BMP5: variants seen among roughly 807,000 people sequenced by gnomAD.
The protein encoded by BMP5 is bone morphogenetic protein 5.
Under a neutral mutation model 46.6 loss-of-function variants are expected in BMP5, and 23 were observed. The ratio of observed to expected loss-of-function variants is 0.49; its 90% confidence interval spans 0.35 to 0.70. The LOEUF is 0.70. BMP5 is among the 30% of genes least tolerant of loss of function. BMP5 has a pLI of 0.00. For synonymous variants in BMP5, 204 were observed against 191.9 expected (o/e 1.06, Z -0.52); for missense variants, 545 against 565.6 (o/e 0.96, Z 0.37).
intron 3 of BMP5, among the ~76,000 whole-genome samples, chr6:55,780,679 G>A (rs1230235339): frequency 1.3e-5 from 2 of 151,988 alleles, no homozygotes; most frequent in African/African-American, 2.4e-5. Flanking sequence ...AAGTGACGGG[G>A]CTTAGAAAAG....
chr6:55,779,828 G>A lies in BMP5; in HGVS notation c.833-5585C>T, dbSNP rs1021727081. ...GAAGTATCACAAACAGAAATTTAGC[G>A]TTCCTCCTTATTACTTTCTTGTTTT... On this transcript the variant is annotated intron_variant, in intron 3 of 6. Coordinates refer to ENST00000370830, the MANE Select transcript of BMP5 (RefSeq NM_021073.4). Among the ~76,000 whole-genome samples the A allele has an allele frequency of 2.0e-5, 3 of 151,878 alleles. 1 individual carries two copies. Among genetic ancestry groups the A allele is most frequent in the Non-Finnish European group, 1.5e-5 (1 of 67,946 alleles).
chr6:55,796,509 T>A (rs1007537328), intron 2 of BMP5, among the ~76,000 whole-genome samples: 4 of 151,874 alleles, frequency 2.6e-5, no homozygotes, highest in Admixed American at 6.5e-5. Context: ...TCTTTTTTTT[T>A]ATTATTATAC....
At chr6:55,796,034 T>C (rs1775703479) in intron 2 of BMP5, among the ~76,000 whole-genome samples, 1 of 152,188 alleles carries the variant, frequency 6.6e-6, no homozygotes, top group Admixed American at 6.5e-5. Flanking sequence ...ATAAGAATTG[T>C]CTTAAAGTTT....
intron 3 of BMP5, among the ~76,000 whole-genome samples, chr6:55,787,850 T>A (rs1160616099): frequency 1.3e-5 from 2 of 151,664 alleles, no homozygotes; most frequent in Non-Finnish European, 3.0e-5. Context: ...TTAGAAAATC[T>A]CTGATTTTCT....
In BMP5 at chr6:55,774,195, G is replaced by A; in HGVS notation, c.881C>T (p.Pro294Leu). 2 of 1,613,086 alleles carry A rather than the reference G, an allele frequency of 1.2e-6. No homozygotes were observed. Among genetic ancestry groups the A allele is most frequent in the South Asian group, 1.1e-5 (1 of 91,072 alleles). Residue 294 changes from proline to leucine, a missense_variant, in exon 4 of 7, where the codon CCT becomes CTT. Pro to Leu is a moderately conservative substitution (Grantham distance 98). Transcript: ENST00000370830. ...CACCATGAATGGTTGTTTTGACTGA[G>A]GTCCCTGTCTTCCCACAAGACCAGC... ...KSAGLVGRQG[P>L]QSKQPFMVAF...
chr6:55,817,077 A>T (rs1041036102), intron 2 of BMP5, among the ~76,000 whole-genome samples: 1 of 152,136 alleles, frequency 6.6e-6, no homozygotes. Context: ...TTAGAATGGC[A>T]ATCATTAAAA....
intron 4 of BMP5, among the ~76,000 whole-genome samples, chr6:55,765,027 T>G (rs777618304): frequency 1.7e-4 from 26 of 152,160 alleles, no homozygotes; most frequent in African/African-American, 6.3e-4. Context: ...GATTTGATCA[T>G]TACACATTGT....
At chr6:55,768,099 G>A (rs1774959231) in intron 4 of BMP5, among the ~76,000 whole-genome samples, 2 of 151,806 alleles carry the variant, frequency 1.3e-5, no homozygotes, top group African/African-American at 4.8e-5. Context: ...CTAAAACAGT[G>A]TATTAATTAT....
chr6:55,777,012 T>G (rs1775190802), intron 3 of BMP5, among the ~76,000 whole-genome samples: 1 of 151,964 alleles, frequency 6.6e-6, no homozygotes, highest in South Asian at 2.1e-4. Flanking sequence ...GAACTCCCTT[T>G]AAAATAACTT....
chr6:55,834,417 T>C (rs1776738690), intron 1 of BMP5, among the ~76,000 whole-genome samples: 1 of 152,176 alleles, frequency 6.6e-6, no homozygotes, highest in South Asian at 2.1e-4. Context: ...TATTCATGTA[T>C]GTAACATGCC....
chr6:55,757,802 T>C (rs1009456783), intron 6 of BMP5, among the ~76,000 whole-genome samples: 1 of 152,002 alleles, frequency 6.6e-6, no homozygotes, highest in Non-Finnish European at 1.5e-5. Context: ...CCCAAGGTTA[T>C]TTCCAGTCTT....
chr6:55,793,774 T>A (rs1775631270), intron 3 of BMP5, among the ~76,000 whole-genome samples: 1 of 152,136 alleles, frequency 6.6e-6, no homozygotes, highest in Non-Finnish European at 1.5e-5. Context: ...TCCATCCCCA[T>A]CTCCTCTCTC....
chr6:55,783,616 G>A (rs1055587898), intron 3 of BMP5, among the ~76,000 whole-genome samples: 1 of 151,946 alleles, frequency 6.6e-6, no homozygotes, highest in Non-Finnish European at 1.5e-5. Flanking sequence ...AGAAAGAAAA[G>A]AAAAGAAAGA....
At chr6:55,822,314 CAGA>C (rs1776428010) in intron 1 of BMP5, among the ~76,000 whole-genome samples, 2 of 152,102 alleles carry the variant, frequency 1.3e-5, no homozygotes, top group South Asian at 4.1e-4. Context: ...GCTCTTTTGA[CAGA>C]AGAACCAGAA....
intron 1 of BMP5, among the ~76,000 whole-genome samples, chr6:55,822,516 T>A (rs9296803): frequency 0.51 from 77,175 of 151,916 alleles, 21,897 homozygotes; most frequent in African/African-American, 0.78. Flanking sequence ...ATTCTGAAGG[T>A]CAATATTCAT....
chr6:55,861,767 G>A (rs1777530919), intron 1 of BMP5, among the ~76,000 whole-genome samples: 1 of 152,166 alleles, frequency 6.6e-6, no homozygotes, highest in Admixed American at 6.5e-5. Context: ...TACTGATGAA[G>A]TGAAAATAGT....
Position 55,759,042 on chromosome 6 carries a change from T to A in BMP5, c.1178A>T (p.His393Leu). Residue 393 changes from histidine (H) to leucine (L), a missense_variant, in exon 6 of 7, where the codon CAT becomes CTT. His to Leu is a moderately conservative substitution (Grantham distance 99). Coordinates refer to ENST00000370830, the MANE Select transcript of BMP5 (RefSeq NM_021073.4). Reference sequence around the variant, plus strand: ...TATAGCGTGGTTGGTGGCATTCATATGGGCGTTAAGTGGAAAAGAACATTC... The same window carrying A: ...TATAGCGTGGTTGGTGGCATTCATAAGGGCGTTAAGTGGAAAAGAACATTC... ...DGECSFPLNAHMNATNHAIVQ... is the reference protein window; with the variant it reads ...DGECSFPLNALMNATNHAIVQ... The A allele has an allele frequency of 1.2e-6, 2 of 1,609,788 alleles. No individual in the cohort carries two copies. Among genetic ancestry groups the A allele is most frequent in the Non-Finnish European group, 1.7e-6 (2 of 1,178,522 alleles).
chr6:55,801,732 G>A (rs937155123), intron 2 of BMP5, among the ~76,000 whole-genome samples: 10 of 152,128 alleles, frequency 6.6e-5, no homozygotes, highest in East Asian at 5.8e-4. Flanking sequence ...GCAGTACTTC[G>A]TTCTCTCTGG....
chr6:55,791,571 A>T (rs1301557107), intron 3 of BMP5, among the ~76,000 whole-genome samples: 1 of 152,210 alleles, frequency 6.6e-6, no homozygotes, highest in Non-Finnish European at 1.5e-5. Flanking sequence ...CATGTAATAT[A>T]AGAGAAAATT....
Sources: gnomAD v4.1 joint callset for allele counts (sites outside exome capture counted in the v4.1 genomes callset) on GRCh38, gnomAD v4.1.1 for gene constraint, MANE v1.5 for transcripts, NCBI Gene and HGNC (gene_info 2026-07-23, HGNC 2026-07-21) for gene names.